The following RGS7 variants were observed in gnomAD, a reference collection of about 807,000 sequenced individuals.
RGS7 encodes regulator of G protein signaling 7.
A neutral mutation model predicts 81.1 loss-of-function variants in RGS7; 27 were observed. That is an observed-to-expected ratio of 0.33 (90% confidence interval 0.25 to 0.46). The LOEUF (loss-of-function observed/expected upper bound fraction) is 0.46, where lower values mean the gene tolerates loss of function less well. Among genes scored for constraint, RGS7 ranks in the 20% least tolerant of loss-of-function variants. The probability of loss-of-function intolerance (pLI) is 1.00; values close to 1 mark genes in which losing one functional copy is unlikely to be tolerated. For missense variants in RGS7, 396 were observed against 607.4 expected (o/e 0.65, Z 3.66); for synonymous variants, 208 against 207.7 (o/e 1.00, Z -0.01).
At chr1:240,857,622 T>C (rs935512820) in intron 9 of RGS7, among the ~76,000 whole-genome samples, 2 of 152,202 alleles carry the variant, frequency 1.3e-5, no homozygotes, top group African/African-American at 4.8e-5. Flanking sequence ...AGAGTTGGAA[T>C]CATATGATAA....
At chr1:241,085,210 C>T (rs1303719916) in intron 3 of RGS7, among the ~76,000 whole-genome samples, 1 of 152,184 alleles carries the variant, frequency 6.6e-6, no homozygotes, top group Non-Finnish European at 1.5e-5. Context: ...CCTCATTTTT[C>T]TCTATGGTAG....
chr1:241,297,721 A>C (rs768922077), intron 2 of RGS7, among the ~76,000 whole-genome samples: 13 of 152,334 alleles, frequency 8.5e-5, no homozygotes, highest in Admixed American at 3.3e-4. Flanking sequence ...ATAAACCCTC[A>C]AGTCTCCCAT....
At chr1:240,908,355 A>C (rs990198073) in intron 6 of RGS7, among the ~76,000 whole-genome samples, 1 of 152,168 alleles carries the variant, frequency 6.6e-6, no homozygotes, top group Non-Finnish European at 1.5e-5. Flanking sequence ...AATAAAAATT[A>C]AATTAAATTA....
chr1:240,867,741 C>T (rs1232196785), intron 9 of RGS7, among the ~76,000 whole-genome samples: 1 of 152,176 alleles, frequency 6.6e-6, no homozygotes, highest in Non-Finnish European at 1.5e-5. Flanking sequence ...TGGCTCATGC[C>T]TGCAATCCCA....
chr1:241,232,264 G>A (rs78841548), intron 2 of RGS7, among the ~76,000 whole-genome samples: 2,636 of 151,876 alleles, frequency 0.017, 82 homozygotes, highest in African/African-American at 0.061. Flanking sequence ...ATAGCTCACT[G>A]CACCCTTGGA....
intron 3 of RGS7, among the ~76,000 whole-genome samples, chr1:241,081,382 A>C (rs1320793677): frequency 1.3e-5 from 2 of 152,230 alleles, no homozygotes; most frequent in African/African-American, 2.4e-5. Context: ...GGGATCCCCC[A>C]AACTTCCAGA....
chr1:241,331,975 A>C (rs1421875563), intron 2 of RGS7, among the ~76,000 whole-genome samples: 2 of 152,222 alleles, frequency 1.3e-5, no homozygotes, highest in African/African-American at 4.8e-5. Context: ...TAAGAGAACA[A>C]TCGAGTTTCC....
At chr1:241,286,375 G>C (rs1266514210) in intron 2 of RGS7, among the ~76,000 whole-genome samples, 1 of 152,172 alleles carries the variant, frequency 6.6e-6, no homozygotes, top group Non-Finnish European at 1.5e-5. Context: ...AGCTCTGTCT[G>C]ATAAAGGGAT....
chr1:241,112,517 TGAA>T (rs1335754209), intron 2 of RGS7, among the ~76,000 whole-genome samples: 2 of 152,286 alleles, frequency 1.3e-5, no homozygotes, highest in Admixed American at 6.5e-5. Flanking sequence ...CTCATGCCAA[TGAA>T]GAAGATTTAT....
At chr1:240,975,925 C>A (rs1372983183) in intron 4 of RGS7, among the ~76,000 whole-genome samples, 1 of 151,862 alleles carries the variant, frequency 6.6e-6, no homozygotes, top group East Asian at 1.9e-4. Context: ...ATTGTATAGT[C>A]CTTCCTTACA....
At chr1:241,008,723 G>A (rs1572239410) in intron 3 of RGS7, among the ~76,000 whole-genome samples, 1 of 152,066 alleles carries the variant, frequency 6.6e-6, no homozygotes, top group East Asian at 1.9e-4. Context: ...GACCAGCATG[G>A]TCAACATGGT....
In RGS7 at chr1:240,806,316, C is replaced by A. The variant is rs1688830385; in HGVS notation, c.1093G>T (p.Ala365Ser). The A allele has an allele frequency of 1.3e-5, 21 of 1,613,684 alleles. No individual in the cohort carries two copies. The highest frequency in any genetic ancestry group is 4.0e-5 in the African/African-American group (3 of 74,858). The change falls in exon 15 of 19, where the codon GCA becomes TCA. Residue 365 changes from alanine to serine, a missense_variant. Coordinates refer to ENST00000440928, the MANE Select transcript of RGS7 (RefSeq NM_001364886.1). ...FSSENLRFWL[A>S]VEDLKKRPIK... ...GGCCTCTTTTTCAGGTCCTCCACTG[C>A]CAGCCAGAATCTATGCAGAATGTGA...
intron 2 of RGS7, among the ~76,000 whole-genome samples, chr1:241,130,102 G>A (rs1044995362): frequency 6.6e-6 from 1 of 152,122 alleles, no homozygotes; most frequent in African/African-American, 2.4e-5. Context: ...CCTTCAGATT[G>A]CCAATGTGTC....
rs78942844 is a variant in RGS7 at position 240,792,553 on chromosome 1, G to T, written c.*6+8088C>A. The stretch of plus-strand genomic sequence containing the variant: ...AGACCCTCTTTCTTGTGCCACCTTT[G>T]CTCTGTCTCTCTCTCTCCTGCAGGG... On this transcript the variant is annotated intron_variant, in intron 18 of 18. Transcript: ENST00000440928. 3.0e-3 allele frequency among the ~76,000 whole-genome samples: 454 copies of T among 152,168 alleles called. 2 individuals are homozygous for T. Among genetic ancestry groups the T allele is most frequent in the African/African-American group, 9.9e-3 (409 of 41,512 alleles).
rs201307171 is a variant in RGS7 at position 241,271,983 on chromosome 1, CTTTT to C, written c.78+83712_78+83715del. Reference sequence around the variant, plus strand: ...TGGAGAACCCTGACTACTAGAATTTCTTTTTTTTTTTTTTTATTTTTATTTTTTG... The same window carrying C: ...TGGAGAACCCTGACTACTAGAATTTCTTTTTTTTTTTATTTTTATTTTTTG... On this transcript the variant is annotated intron_variant, in intron 2 of 18. Transcript: ENST00000440928. The surrounding 1 kb of genome is among the most constrained non-coding windows in gnomAD (Gnocchi z 4.6). Among the ~76,000 whole-genome samples, 6 of 124,134 alleles carry C rather than the reference CTTTT, an allele frequency of 4.8e-5. No individual in the cohort carries two copies. The highest frequency in any genetic ancestry group is 1.8e-4 in the African/African-American group (6 of 32,696). 81.4% of individuals were successfully genotyped at this position (124,134 alleles called of 152,430 possible).
chr1:241,052,459 G>A (rs144563279), intron 3 of RGS7, among the ~76,000 whole-genome samples: 6 of 152,184 alleles, frequency 3.9e-5, no homozygotes, highest in East Asian at 3.9e-4. Context: ...GGGAAGGCAC[G>A]GCCCATGCAC....
intron 3 of RGS7, among the ~76,000 whole-genome samples, chr1:241,064,422 C>G (rs74814146): frequency 8.2e-6 from 1 of 122,508 alleles, no homozygotes; most frequent in African/African-American, 3.2e-5. Flanking sequence ...CCAGTCTCTA[C>G]CAAAAAAAAA....
intron 15 of RGS7, among the ~76,000 whole-genome samples, chr1:240,803,386 C>G (rs1438645451): frequency 6.6e-6 from 1 of 152,110 alleles, no homozygotes; most frequent in Non-Finnish European, 1.5e-5. Flanking sequence ...GAGTAATCAT[C>G]CTGGATACCT....
intron 18 of RGS7, among the ~76,000 whole-genome samples, chr1:240,800,354 A>G (rs538700156): frequency 2.8e-4 from 42 of 152,292 alleles, no homozygotes; most frequent in African/African-American, 1.0e-3. Flanking sequence ...TGTTCACAGT[A>G]TATATTACTG....
Sources: gnomAD v4.1 joint callset for allele counts (sites outside exome capture counted in the v4.1 genomes callset) on GRCh38, gnomAD v4.1.1 for gene constraint, Gnocchi (gnomAD v3.1) non-coding constraint, MANE v1.5 for transcripts, NCBI Gene and HGNC (gene_info 2026-07-23, HGNC 2026-07-21) for gene names.